PCDH15: variants seen among roughly 807,000 people sequenced by gnomAD.
PCDH15 encodes protocadherin related 15, also known as protocadherin-15.
In PCDH15, 129 loss-of-function variants were observed where a neutral mutation model predicts 178.5. That is an observed-to-expected ratio of 0.72 (90% confidence interval 0.63 to 0.84). PCDH15 has a LOEUF of 0.84. Ranked by LOEUF, PCDH15 falls within the 40% of genes least tolerant of loss-of-function variation. The probability of loss-of-function intolerance (pLI) is 0.00; values close to 1 mark genes in which losing one functional copy is unlikely to be tolerated. For synonymous variants in PCDH15, 800 were observed against 732.0 expected, an observed-to-expected ratio of 1.09 and a Z score of -1.50; for missense variants, 2,230 against 2,099.9, an observed-to-expected ratio of 1.06 and a Z score of -1.21.
chr10:55,352,664 C>T (rs896150548), intron 2 of PCDH15, among the ~76,000 whole-genome samples: 7 of 152,044 alleles, frequency 4.6e-5, no homozygotes, highest in Non-Finnish European at 5.9e-5. Flanking sequence ...AAAAAGTCAT[C>T]GTTTTGAAGT....
intron 2 of PCDH15, among the ~76,000 whole-genome samples, chr10:55,107,265 C>T (rs1468647774): frequency 6.6e-6 from 1 of 152,082 alleles, no homozygotes; most frequent in African/African-American, 2.4e-5. Context: ...CCTCCAATGA[C>T]ATACATTTCA....
intron 1 of PCDH15, among the ~76,000 whole-genome samples, chr10:55,197,173 T>G (rs1334666650): frequency 6.6e-6 from 1 of 152,028 alleles, no homozygotes; most frequent in African/African-American, 2.4e-5. Context: ...CTTTCAAAAC[T>G]CTTATTTTCA....
chr10:54,322,072 G>A (rs1696448885), intron 7 of PCDH15, among the ~76,000 whole-genome samples: 1 of 151,702 alleles, frequency 6.6e-6, no homozygotes, highest in African/African-American at 2.4e-5. Flanking sequence ...TTCAGCAATT[G>A]AGATAAAAAT....
intron 2 of PCDH15, among the ~76,000 whole-genome samples, chr10:54,926,923 TA>T (rs200648445): frequency 6.6e-6 from 1 of 152,028 alleles, no homozygotes; most frequent in Admixed American, 6.6e-5. Context: ...TGAGATTTTT[TA>T]AAATTTTTTT....
rs754091456 is a variant in PCDH15, at chr10:54,429,042, A to G, written c.158-50100T>C. Among the ~76,000 whole-genome samples, 55 of 150,658 alleles carry G rather than the reference A, an allele frequency of 3.7e-4. 1 individual carries two copies. Among genetic ancestry groups the G allele is most frequent in the Admixed American group, 2.0e-4 (3 of 15,160 alleles). On this transcript the variant is annotated intron_variant, in intron 3 of 37. Transcript: ENST00000644397. ...AAACACTGAACAGTGTAGCACTGTAATGGTGATTTATAAATTACTCTTGAC... is the reference window on the plus strand; with the variant it reads ...AAACACTGAACAGTGTAGCACTGTAGTGGTGATTTATAAATTACTCTTGAC...
At chr10:53,884,010 C>T (rs1164046015) in intron 26 of PCDH15, among the ~76,000 whole-genome samples, 3 of 131,646 alleles carry the variant, frequency 2.3e-5, no homozygotes, top group Non-Finnish European at 4.9e-5. Context: ...GCCACTGTGC[C>T]TGGCCTGTTT....
At chr10:53,815,737 ATATT>A (rs1444046865) in intron 35 of PCDH15, among the ~76,000 whole-genome samples, 11 of 151,860 alleles carry the variant, frequency 7.2e-5, no homozygotes, top group African/African-American at 2.4e-4. Context: ...ACAATAATAT[ATATT>A]TATTATACAA....
intron 15 of PCDH15, among the ~76,000 whole-genome samples, chr10:54,116,275 TGACTGA>T (rs984701779): frequency 2.7e-5 from 4 of 148,606 alleles, no homozygotes; most frequent in African/African-American, 4.9e-5. Flanking sequence ...TGGATTAATG[TGACTGA>T]AATCCTGGTT....
intron 28 of PCDH15, among the ~76,000 whole-genome samples, chr10:53,854,399 A>G (rs2078589650): frequency 6.6e-6 from 1 of 152,046 alleles, no homozygotes; most frequent in Non-Finnish European, 1.5e-5. Context: ...TAAGATGGTA[A>G]TGTTTATACT....
At position 55,146,741 on chromosome 10, in the gene PCDH15, C is replaced by G. The variant is rs182597712; in HGVS notation, c.-80+19835G>C. 9.6e-4 allele frequency among the ~76,000 whole-genome samples: 146 copies of G among 151,890 alleles called. 2 individuals carry two copies. The highest frequency in any genetic ancestry group is 6.6e-4 in the Non-Finnish European group (45 of 67,832). On this transcript the variant is annotated intron_variant, in intron 2 of 5. Transcript: ENST00000458638. ...GCCATTATTAAAATAGACATTTTGA[C>G]AAAATTTACATTGTGTTTATGAGAT...
intron 20 of PCDH15, among the ~76,000 whole-genome samples, chr10:54,012,394 C>T (rs941605856): frequency 6.6e-6 from 1 of 152,030 alleles, no homozygotes; most frequent in Non-Finnish European, 1.5e-5. Flanking sequence ...ATGAAAACTT[C>T]CCAACCTCAC....
At chr10:55,592,115 A>T (rs1252260914) in intron 2 of PCDH15, among the ~76,000 whole-genome samples, 1 of 152,194 alleles carries the variant, frequency 6.6e-6, no homozygotes, top group Admixed American at 6.6e-5. Context: ...AGAAAAAAAT[A>T]AAAGGAGGAA....
chr10:54,245,134 G>A (rs1258457457), intron 8 of PCDH15, among the ~76,000 whole-genome samples: 1 of 152,002 alleles, frequency 6.6e-6, no homozygotes, highest in African/African-American at 2.4e-5. Context: ...TCAATAGGAA[G>A]GCAATAAAAC....
intron 1 of PCDH15, among the ~76,000 whole-genome samples, chr10:55,209,424 A>G (rs1475307713): frequency 6.6e-6 from 1 of 152,152 alleles, no homozygotes; most frequent in African/African-American, 2.4e-5. Context: ...AAGGACAGAT[A>G]CAAGGAGACA....
intron 13 of PCDH15, among the ~76,000 whole-genome samples, chr10:54,163,606 C>T (rs566492241): frequency 2.3e-4 from 35 of 152,098 alleles, no homozygotes; most frequent in African/African-American, 8.0e-4. Context: ...CAAACCAAAC[C>T]GAGGAACAAT....
At chr10:55,243,866 G>T (rs144582553) in intron 1 of PCDH15, among the ~76,000 whole-genome samples, 2 of 152,078 alleles carry the variant, frequency 1.3e-5, no homozygotes, top group African/African-American at 4.8e-5. Context: ...GTATCTTATT[G>T]TCTCTCTGAA....
At chr10:54,231,967 C>A (rs549872860) in intron 9 of PCDH15, among the ~76,000 whole-genome samples, 1 of 152,288 alleles carries the variant, frequency 6.6e-6, no homozygotes, top group South Asian at 2.1e-4. Flanking sequence ...GGACTGTGGA[C>A]TTCTCAGTTA....
chr10:54,342,362 T>C (rs1375925533), intron 6 of PCDH15, among the ~76,000 whole-genome samples: 1 of 152,172 alleles, frequency 6.6e-6, no homozygotes, highest in African/African-American at 2.4e-5. Context: ...GTTCAGGCCA[T>C]TGCTTCAGAG....
At chr10:54,768,858 C>T (rs1948790177) in intron 1 of PCDH15, among the ~76,000 whole-genome samples, 1 of 152,088 alleles carries the variant, frequency 6.6e-6, no homozygotes. Flanking sequence ...CAGTCCTGAG[C>T]TGTCTTTAGT....
Sources: gnomAD v4.1 joint callset for allele counts (sites outside exome capture counted in the v4.1 genomes callset) on GRCh38, gnomAD v4.1.1 for gene constraint, MANE v1.5 for transcripts, NCBI Gene and HGNC (gene_info 2026-07-23, HGNC 2026-07-21) for gene names.